FOXK2: variants seen among roughly 807,000 people sequenced by gnomAD.
FOXK2 encodes the protein forkhead box K2, also known as forkhead box protein K2.
Under a neutral mutation model 53.3 loss-of-function variants are expected in FOXK2, and 24 were observed. The observed-to-expected ratio is 0.45, with a 90% CI of 0.33 to 0.63. The LOEUF (loss-of-function observed/expected upper bound fraction) is 0.63, where lower values mean the gene tolerates loss of function less well. Among genes scored for constraint, FOXK2 ranks in the 30% least tolerant of loss-of-function variants. The pLI, the probability that FOXK2 is intolerant of heterozygous loss-of-function variation, is 0.03. For synonymous variants in FOXK2, 505 were observed against 407.1 expected, an observed-to-expected ratio of 1.24 and a Z score of -2.89; for missense variants, 952 against 910.5, an observed-to-expected ratio of 1.05 and a Z score of -0.59.
rs1480706397 is a variant in FOXK2, at chr17:82,603,277, TAC to T, written c.*1780_*1781del. The T allele has an allele frequency of 6.6e-6, 1 of 152,282 alleles. No individual in the cohort carries two copies. The highest frequency in any genetic ancestry group is 2.4e-5 in the African/African-American group (1 of 41,474). The allele number at this position is 152,282 out of a possible 1,614,324, so 9.4% of individuals were successfully genotyped here. A position where few individuals can be genotyped will look rare whatever the true frequency, so the allele number is the denominator to read the frequency against. The stretch of plus-strand genomic sequence containing the variant: ...AGCTGTCTGCATCTTCCAAGCACTT[TAC>T]AGATACCTTGGAATGTATATTTTTG... On this transcript the variant is annotated 3_prime_UTR_variant, in exon 9 of 9. Coordinates refer to ENST00000335255, the MANE Select transcript of FOXK2 (RefSeq NM_004514.4).
At chr17:82,533,883 C>T (rs1408355145) in intron 1 of FOXK2, among the ~76,000 whole-genome samples, 2 of 151,994 alleles carry the variant, frequency 1.3e-5, no homozygotes, top group East Asian at 3.9e-4. Flanking sequence ...GCTGTAATCC[C>T]AGCTACTCGT....
chr17:82,542,608 C>T (rs1322032019), intron 1 of FOXK2, among the ~76,000 whole-genome samples: 1 of 152,136 alleles, frequency 6.6e-6, no homozygotes, highest in Non-Finnish European at 1.5e-5. Flanking sequence ...GTGTGAGCTG[C>T]CACACCCGGC....
intron 1 of FOXK2, among the ~76,000 whole-genome samples, chr17:82,551,649 C>T (rs537233238): frequency 6.6e-6 from 1 of 152,186 alleles, no homozygotes; most frequent in South Asian, 2.1e-4. Flanking sequence ...CCACTGCATT[C>T]CAGCCTGGGC....
chr17:82,592,742 G>A (rs1295171387), intron 8 of FOXK2, among the ~76,000 whole-genome samples: 1 of 152,244 alleles, frequency 6.6e-6, no homozygotes, highest in Non-Finnish European at 1.5e-5. Flanking sequence ...GGGGTTCTCT[G>A]CATCTCAGCT....
rs149905799 is a variant in FOXK2 at position 82,549,684 on chromosome 17, G to C, written c.420-13670G>C. ...AGCCAAAGGAAAACTCTGGATGCTC[G>C]ATAGCCACTTACAGAGCTGCTCATC... On this transcript the variant is annotated intron_variant, in intron 1 of 8. Transcript: ENST00000335255. 3.4e-3 allele frequency among the ~76,000 whole-genome samples: 523 copies of C among 152,320 alleles called. 9 individuals are homozygous for C. Among genetic ancestry groups the C allele is most frequent in the African/African-American group, 0.012 (509 of 41,560 alleles).
At chr17:82,587,345 C>T (rs1162190016) in intron 8 of FOXK2, 73 bp downstream of exon 8, 13 of 1,187,928 alleles carry the variant, frequency 1.1e-5, no homozygotes, top group South Asian at 9.8e-5. Flanking sequence ...CTCGTGGTTT[C>T]GGTTCTGACT....
chr17:82,584,108 C>A lies in FOXK2; in HGVS notation c.1199C>A (p.Ala400Asp). 1 of 1,610,824 alleles carries A rather than the reference C, an allele frequency of 6.2e-7. No homozygotes were observed. The change falls in exon 6 of 9, where the codon GCC becomes GAC. Residue 400 changes from alanine (A) to aspartate (D), a missense_variant. By Grantham distance (126) the Ala-to-Asp change is moderately radical. This residue lies in a region of FOXK2 where 551 missense variants were observed against 385.1 expected (regional missense o/e 1.43). Transcript: ENST00000335255. ...AGCCTGTCGAGGGAAGGTTCGCCGG[C>A]CCCCCTGGAGCCTGAGCCTGGCGCT... ...PESLSREGSP[A>D]PLEPEPGAAQ...
chr17:82,571,668 T>C, intron 3 of FOXK2, 56 bp from the exon 4 acceptor site: 2 of 1,437,508 alleles, frequency 1.4e-6, no homozygotes, highest in South Asian at 3.0e-5. Context: ...TCTAGTAAAT[T>C]TAATACAAAA....
At chr17:82,549,892 TG>T (rs1471051197) in intron 1 of FOXK2, among the ~76,000 whole-genome samples, 2 of 152,144 alleles carry the variant, frequency 1.3e-5, no homozygotes, top group African/African-American at 4.8e-5. Flanking sequence ...AATGAAAACA[TG>T]GGACCTGTAG....
At chr17:82,566,085 G>A (rs1348241036) in intron 2 of FOXK2, among the ~76,000 whole-genome samples, 3 of 152,020 alleles carry the variant, frequency 2.0e-5, no homozygotes, top group Non-Finnish European at 2.9e-5. Context: ...AGGGGGAGCC[G>A]GTGTTTCTTG....
At chr17:82,536,074 C>T (rs1291145966) in intron 1 of FOXK2, among the ~76,000 whole-genome samples, 1 of 151,928 alleles carries the variant, frequency 6.6e-6, no homozygotes, top group African/African-American at 2.4e-5. Context: ...GATGGGGTTT[C>T]ACCGTGTTGG....
At position 82,523,878 on chromosome 17, in the gene FOXK2, C is replaced by T. The variant is rs555751722; in HGVS notation, c.419+3571C>T. On this transcript the variant is annotated intron_variant, in intron 1 of 8. Coordinates refer to ENST00000335255, the MANE Select transcript of FOXK2 (RefSeq NM_004514.4). ...TTAAATGTATAAGCTTGAAAGCACA[C>T]GTAACTTAGAGTAATTATGTAAAGG... 1.7e-4 allele frequency among the ~76,000 whole-genome samples: 26 copies of T among 152,200 alleles called. 1 individual carries two copies. In the South Asian group the frequency reaches 3.9e-3, roughly 23 times the overall value.
chr17:82,595,906 C>A (rs1416693935), intron 8 of FOXK2: 1 of 1,275,046 alleles, frequency 7.8e-7, no homozygotes, highest in African/African-American at 1.5e-5. Flanking sequence ...CCTTTTCCGG[C>A]AGCCCGGAAC....
At chr17:82,520,401 G>T in intron 1 of FOXK2, 94 bp downstream of exon 1, 1 of 1,078,728 alleles carries the variant, frequency 9.3e-7, no homozygotes, top group Non-Finnish European at 1.2e-6. Flanking sequence ...GACCACCCAC[G>T]AGCGGGGGCC....
chr17:82,529,494 A>G (rs1263400396), intron 1 of FOXK2, among the ~76,000 whole-genome samples: 1 of 150,618 alleles, frequency 6.6e-6, no homozygotes, highest in Non-Finnish European at 1.5e-5. Context: ...GGTTCAAGTG[A>G]TTCTCCTGCC....
intron 1 of FOXK2, among the ~76,000 whole-genome samples, chr17:82,523,859 G>A (rs374427937): frequency 9.2e-5 from 14 of 152,128 alleles, no homozygotes; most frequent in Admixed American, 8.5e-4. Flanking sequence ...CAAATTAAAT[G>A]TATAAGCTTG....
intron 7 of FOXK2, among the ~76,000 whole-genome samples, chr17:82,586,853 A>G (rs2045181386): frequency 6.6e-6 from 1 of 152,080 alleles, no homozygotes; most frequent in Admixed American, 6.5e-5. Context: ...GTGAGCTGAG[A>G]TTGCGCCATT....
At chr17:82,522,108 G>C (rs1294979369) in intron 1 of FOXK2, among the ~76,000 whole-genome samples, 1 of 139,864 alleles carries the variant, frequency 7.1e-6, no homozygotes, top group Non-Finnish European at 1.5e-5. Flanking sequence ...CGTCTACTGT[G>C]AGGATCTTGA....
chr17:82,578,789 A>T (rs2045021987), intron 4 of FOXK2, among the ~76,000 whole-genome samples: 1 of 152,186 alleles, frequency 6.6e-6, no homozygotes, highest in African/African-American at 2.4e-5. Context: ...CCCCAATTCC[A>T]CAGACTTACT....
Sources: allele counts gnomAD v4.1 joint callset (sites outside exome capture counted in the v4.1 genomes callset), GRCh38; gene constraint gnomAD v4.1.1; regional missense constraint gnomAD v4.1.1; transcripts MANE v1.5; gene names NCBI Gene and HGNC (gene_info 2026-07-23, HGNC 2026-07-21).